Variants in KIAA1217 observed in about 807,000 individuals in gnomAD.
KIAA1217 encodes the protein KIAA1217, also known as sickle tail protein homolog.
KIAA1217 carries 88 observed loss-of-function variants against 163.9 expected under a neutral mutation model. That is an observed-to-expected ratio of 0.54 (90% CI 0.45 to 0.64). The LOEUF (loss-of-function observed/expected upper bound fraction) is 0.64, where lower values mean the gene tolerates loss of function less well. Among genes scored for constraint, KIAA1217 ranks in the 30% least tolerant of loss-of-function variants. KIAA1217 has a pLI of 0.00. For synonymous variants in KIAA1217, 903 were observed against 923.1 expected, an observed-to-expected ratio of 0.98 and a Z score of 0.39; for missense variants, 2,372 against 2,475.0, an observed-to-expected ratio of 0.96 and a Z score of 0.88.
At chr10:23,831,537 G>C (rs887903777) in intron 1 of KIAA1217, among the ~76,000 whole-genome samples, 2 of 152,136 alleles carry the variant, frequency 1.3e-5, no homozygotes, top group Non-Finnish European at 2.9e-5. Flanking sequence ...CTTGGTGTTT[G>C]CATGCCAACA....
In KIAA1217 at chr10:24,473,262, G is replaced by A; in HGVS notation, c.881G>A (p.Gly294Asp). 1 of 1,519,276 alleles carries A rather than the reference G, an allele frequency of 6.6e-7. No individual in the cohort carries two copies. The highest frequency in any genetic ancestry group is 1.3e-5 in the South Asian group (1 of 75,082). The allele number at this position is 1,519,276 out of a possible 1,614,324, so 94.1% of individuals were successfully genotyped here. A position where few individuals can be genotyped will look rare whatever the true frequency, so the allele number is the denominator to read the frequency against. ...GAACTTGTTTATGCAAGAGGAGATG[G>A]CCCTGGGGCCCCTCGCCCCGGATCT... is the stretch of plus-strand genomic sequence containing the variant. Reference protein sequence around the residue: ...QRELVYARGDGPGAPRPGSTA... With the variant: ...QRELVYARGDDPGAPRPGSTA... Residue 294 changes from glycine to aspartate, a missense_variant, in exon 6 of 21, where the codon GGC (glycine) becomes GAC (aspartate). Coordinates refer to ENST00000376454, the MANE Select transcript of KIAA1217 (RefSeq NM_019590.5).
Position 23,824,119 on chromosome 10 carries a change from A to C in KIAA1217, c.-321+128885A>C, listed in dbSNP as rs534781995. 7.2e-4 allele frequency among the ~76,000 whole-genome samples: 110 copies of C among 152,066 alleles called. 1 individual carries two copies. The South Asian group carries it at 0.022, about 31-fold the overall frequency. ...AAACCCCATCTCTACAAAAAATACA[A>C]AAAATTAGCCCAGCGTGTTGGTGCA... On this transcript the variant is annotated intron_variant, in intron 1 of 18. Transcript: ENST00000376462.
chr10:23,736,707 G>A (rs532898856), intron 1 of KIAA1217, among the ~76,000 whole-genome samples: 18 of 152,078 alleles, frequency 1.2e-4, no homozygotes, highest in African/African-American at 2.9e-4. Context: ...AAAAATTTTC[G>A]TAGAGATGGA....
intron 1 of KIAA1217, among the ~76,000 whole-genome samples, chr10:24,212,911 G>T (rs746181889): frequency 6.6e-6 from 1 of 152,150 alleles, no homozygotes; most frequent in East Asian, 1.9e-4. Context: ...TGAATGAAAG[G>T]CTAATTTTAC....
intron 2 of KIAA1217, among the ~76,000 whole-genome samples, chr10:24,256,830 A>G (rs1281809872): frequency 1.3e-5 from 2 of 152,160 alleles, no homozygotes; most frequent in African/African-American, 4.8e-5. Flanking sequence ...CCAGCAGCCA[A>G]AGAAATGCAT....
At chr10:24,216,387 T>A (rs2068820393) in intron 1 of KIAA1217, among the ~76,000 whole-genome samples, 1 of 152,232 alleles carries the variant, frequency 6.6e-6, no homozygotes, top group African/African-American at 2.4e-5. Context: ...TATGGCTGTA[T>A]GTGTGTATGT....
intron 1 of KIAA1217, among the ~76,000 whole-genome samples, chr10:23,993,312 G>A (rs141424023): frequency 1.5e-4 from 23 of 151,826 alleles, no homozygotes; most frequent in South Asian, 6.3e-4. Flanking sequence ...GACTACAGGC[G>A]TGAGCCACTG....
At chr10:23,799,208 C>T (rs1836353923) in intron 1 of KIAA1217, among the ~76,000 whole-genome samples, 1 of 152,152 alleles carries the variant, frequency 6.6e-6, no homozygotes, top group African/African-American at 2.4e-5. Context: ...CCAACCCTAA[C>T]AACTTCTGTA....
intron 1 of KIAA1217, among the ~76,000 whole-genome samples, chr10:23,807,503 T>C (rs1357579274): frequency 6.6e-6 from 1 of 152,222 alleles, no homozygotes; most frequent in East Asian, 1.9e-4. Context: ...AGGTCAAGTT[T>C]AGAAGCCAGA....
chr10:24,033,769 A>C (rs564907270), intron 2 of KIAA1217, among the ~76,000 whole-genome samples: 12 of 152,226 alleles, frequency 7.9e-5, no homozygotes, highest in Non-Finnish European at 1.6e-4. Context: ...AGTACTACCA[A>C]ATCTGTCCAG....
intron 2 of KIAA1217, among the ~76,000 whole-genome samples, chr10:24,365,757 A>G (rs2050698119): frequency 6.6e-6 from 1 of 151,880 alleles, no homozygotes; most frequent in Non-Finnish European, 1.5e-5. Flanking sequence ...ATTTTAGTAC[A>G]GTTTTTGTCT....
chr10:24,255,908 C>T (rs2075097998), intron 2 of KIAA1217, among the ~76,000 whole-genome samples: 1 of 152,024 alleles, frequency 6.6e-6, no homozygotes, highest in African/African-American at 2.4e-5. Context: ...TTTGATTCTA[C>T]AGGATGTTTC....
chr10:24,264,614 G>A lies in KIAA1217; in HGVS notation c.354+44705G>A, dbSNP rs57240727. Among the ~76,000 whole-genome samples the A allele has an allele frequency of 3.5e-3, 537 of 152,308 alleles. 3 individuals carry two copies. Among genetic ancestry groups the A allele is most frequent in the African/African-American group, 0.012 (513 of 41,564 alleles). The stretch of plus-strand genomic sequence containing the variant: ...TATTCCTTCAAAGATTTGTTTTAGA[G>A]GATAGCTGGGTAAGAACTTGTGCTG... On this transcript the variant is annotated intron_variant, in intron 2 of 20. Transcript: ENST00000376454.
rs2075353475 is a variant in KIAA1217, at chr10:24,543,531, G to A, written c.4261G>A (p.Glu1421Lys). Residue 1421 changes from glutamate (E) to lysine (K), a missense_variant, in exon 19 of 21, where the codon GAG (glutamate) becomes AAG (lysine). Coordinates refer to ENST00000376454, the MANE Select transcript of KIAA1217 (RefSeq NM_019590.5). The part of the protein sequence containing the change: ...IQTVNIDARK[E>K]MTPRQEGTDN... ...GACGGTTAATATCGATGCCAGAAAA[G>A]AGATGACCCCCCGACAAGAAGGGAC... is the stretch of plus-strand genomic sequence containing the variant. The A allele has an allele frequency of 6.2e-7, 1 of 1,614,112 alleles. No individual in the cohort carries two copies. The highest frequency in any genetic ancestry group is 8.5e-7 in the Non-Finnish European group (1 of 1,180,022).
intron 14 of KIAA1217, among the ~76,000 whole-genome samples, chr10:24,529,580 CT>C (rs1483683041): frequency 2.0e-5 from 3 of 151,964 alleles, no homozygotes; most frequent in Non-Finnish European, 4.4e-5. Flanking sequence ...CACTTGTCTC[CT>C]CCCCAGTTTT....
intron 1 of KIAA1217, among the ~76,000 whole-genome samples, chr10:23,881,246 A>T (rs1244376555): frequency 1.3e-5 from 2 of 151,996 alleles, no homozygotes; most frequent in Non-Finnish European, 2.9e-5. Flanking sequence ...ATTAGTTGTT[A>T]TGCAAAAAGA....
intron 2 of KIAA1217, among the ~76,000 whole-genome samples, chr10:24,270,882 G>A (rs1343866376): frequency 6.6e-6 from 1 of 152,104 alleles, no homozygotes. Flanking sequence ...GGGAGTAACT[G>A]TGGAATGTGT....
At chr10:23,815,007 T>C (rs1837250294) in intron 1 of KIAA1217, among the ~76,000 whole-genome samples, 2 of 152,178 alleles carry the variant, frequency 1.3e-5, no homozygotes, top group Non-Finnish European at 2.9e-5. Context: ...AGGGAAGACA[T>C]GCAAGTGAAA....
intron 6 of KIAA1217, among the ~76,000 whole-genome samples, chr10:24,477,444 T>G (rs539128425): frequency 3.3e-4 from 50 of 152,334 alleles, no homozygotes; most frequent in Middle Eastern, 6.8e-3. Context: ...TTCTACATAT[T>G]CCATGCTGTT....
Sources: gnomAD v4.1 joint callset for allele counts (sites outside exome capture counted in the v4.1 genomes callset) on GRCh38, gnomAD v4.1.1 for gene constraint, MANE v1.5 for transcripts, NCBI Gene and HGNC (gene_info 2026-07-23, HGNC 2026-07-21) for gene names.